Variants in HUWE1 observed in about 807,000 individuals in gnomAD.
HUWE1 encodes HECT, UBA and WWE domain containing E3 ubiquitin protein ligase 1.
HUWE1 carries 18 observed loss-of-function variants against 299.4 expected under a neutral mutation model. The observed-to-expected ratio is 0.06, with a 90% CI of 0.04 to 0.09. The LOEUF (loss-of-function observed/expected upper bound fraction) is 0.09. HUWE1 is among the 10% of genes least tolerant of loss of function. The pLI, the probability that HUWE1 is intolerant of heterozygous loss-of-function variation, is 1.00. For synonymous variants in HUWE1, 1,317 were observed against 1,286.1 expected, an observed-to-expected ratio of 1.02 and a Z score of -0.51; for missense variants, 1,832 against 3,462.3, an observed-to-expected ratio of 0.53 and a Z score of 11.82.
At chrX:53,632,252 T>C (rs1194978767) in intron 9 of HUWE1, among the ~76,000 whole-genome samples, 2 of 111,953 alleles carry the variant, frequency 1.8e-5, no homozygotes, top group Admixed American at 9.5e-5. Context: ...GTCATAGCAG[T>C]GCCTCATAAT....
Position 53,538,904 on chromosome X carries a change from G to A in HUWE1, c.11809C>T (p.Arg3937Trp). The A allele has an allele frequency of 8.3e-7, 1 of 1,206,667 alleles. No homozygotes were observed. Among genetic ancestry groups the A allele is most frequent in the Non-Finnish European group, 1.1e-6 (1 of 892,407 alleles). The change falls in exon 76 of 84, where the codon CGG (arginine) becomes TGG (tryptophan). Residue 3937 changes from arginine to tryptophan, a missense_variant. Physicochemically the swap from Arg to Trp is moderately radical, Grantham distance 101. This residue lies in a region of HUWE1 where 129 missense variants were observed against 439.4 expected (regional missense o/e 0.29). Coordinates refer to ENST00000262854, the MANE Select transcript of HUWE1 (RefSeq NM_031407.7). ...GAGATGTGCATAGATGAGGGCTCCC[G>A]GGAGAAGAATGGGTCAAGGGAGGAA... is the stretch of plus-strand genomic sequence containing the variant. The part of the protein sequence containing the change: ...TPSSLDPFFS[R>W]EPSSMHISSS...
At chrX:53,633,005 C>T (rs1203188382) in intron 8 of HUWE1, among the ~76,000 whole-genome samples, 12 of 112,595 alleles carry the variant, frequency 1.1e-4, no homozygotes, top group Non-Finnish European at 1.7e-4. Flanking sequence ...TATCATCAGC[C>T]TTCTGAAATA....
intron 70 of HUWE1, among the ~76,000 whole-genome samples, chrX:53,545,641 G>C: frequency 8.9e-6 from 1 of 111,874 alleles, no homozygotes; most frequent in Non-Finnish European, 1.9e-5. Flanking sequence ...CATAGGTGTG[G>C]AATAGATGGT....
chrX:53,624,699 G>A, intron 18 of HUWE1, 24 bp from the exon 19 acceptor site: 1 of 1,070,278 alleles, frequency 9.3e-7, no homozygotes, highest in Non-Finnish European at 1.3e-6. Flanking sequence ...GAACATTATG[G>A]AGAATACGAA....
At chrX:53,602,909 G>A (rs1556992611) in intron 27 of HUWE1, among the ~76,000 whole-genome samples, 1 of 104,732 alleles carries the variant, frequency 9.5e-6, no homozygotes, top group Non-Finnish European at 2.0e-5. Flanking sequence ...GGAGTGCAGT[G>A]GCATGATCTT....
At chrX:53,614,319 TCCTA>T (rs1248226628) in intron 23 of HUWE1, among the ~76,000 whole-genome samples, 36 of 111,183 alleles carry the variant, frequency 3.2e-4, no homozygotes, top group Non-Finnish European at 5.3e-4. Flanking sequence ...AAAGATCACT[TCCTA>T]AGGCAACCAA....
chrX:53,624,565 T>C (rs376997878), intron 19 of HUWE1, 30 bp downstream of exon 19: 11 of 999,966 alleles, frequency 1.1e-5, no homozygotes, highest in Non-Finnish European at 1.6e-5. Flanking sequence ...TTATCCCAAA[T>C]TGTTATAACC....
At chrX:53,681,415 A>G (rs1485972940) in intron 2 of HUWE1, among the ~76,000 whole-genome samples, 1 of 105,286 alleles carries the variant, frequency 9.5e-6, no homozygotes, top group African/African-American at 3.5e-5. Context: ...GCCTGGCGAG[A>G]GCAAGACTCC....
At chrX:53,538,524 C>G (rs1556915191) in intron 76 of HUWE1, 70 bp from the exon 77 acceptor site, 7 of 731,852 alleles carry the variant, frequency 9.6e-6, no homozygotes, top group Admixed American at 2.3e-5. Context: ...AGCCAACCAG[C>G]TAGCAACTCT....
Position 53,543,976 on chromosome X carries a change from A to G in HUWE1, c.11252-8T>C, listed in dbSNP as rs781802926. ...AGCCTAAACCGGAGGAACCTGGGAG[A>G]AAGAGAAAGAGGAAGGCAAGATATA... is the stretch of plus-strand genomic sequence containing the variant. On this transcript the variant is annotated splice_polypyrimidine_tract_variant and splice_region_variant and intron_variant, in intron 72 of 83. Coordinates refer to ENST00000262854, the MANE Select transcript of HUWE1 (RefSeq NM_031407.7). 5 of 1,186,732 alleles carry G rather than the reference A, an allele frequency of 4.2e-6. No individual in the cohort carries two copies. The highest frequency in any genetic ancestry group is 3.5e-5 in the African/African-American group (2 of 56,924).
intron 72 of HUWE1, 23 bp from the exon 73 acceptor site, chrX:53,543,991 G>C (rs782757117): frequency 2.6e-6 from 3 of 1,157,222 alleles, no homozygotes; most frequent in Non-Finnish European, 2.3e-6. Flanking sequence ...GAAAGAGGAA[G>C]GCAAGATATA....
intron 81 of HUWE1, 105 bp downstream of exon 81, chrX:53,535,279 T>C: frequency 1.7e-6 from 1 of 580,985 alleles, no homozygotes; most frequent in Non-Finnish European, 3.0e-6. Flanking sequence ...GCAAGGCATT[T>C]GTGGCTCTGT....
At chrX:53,569,913 G>GTA (rs2062742767) in intron 47 of HUWE1, 86 bp from the exon 48 acceptor site, 1 of 803,182 alleles carries the variant, frequency 1.2e-6, no homozygotes, top group East Asian at 3.3e-5. Context: ...CACACACATA[G>GTA]TATTTCCTTA....
chrX:53,678,835 A>T (rs1379666286), intron 3 of HUWE1, among the ~76,000 whole-genome samples: 1 of 112,209 alleles, frequency 8.9e-6, no homozygotes, highest in Non-Finnish European at 1.9e-5. Context: ...CAAAGGCACA[A>T]TCAGGTCATT....
In HUWE1 at chrX:53,647,676, T is replaced by C. The variant is rs368060139; in HGVS notation, c.145-102A>G. On this transcript the variant is annotated intron_variant, in intron 5 of 83. Coordinates refer to ENST00000262854, the MANE Select transcript of HUWE1 (RefSeq NM_031407.7). ...ACAAGAGATTGCTGAGCATGACACC[T>C]AGACAAGTTCACGTCCCACCCTTGC... is the stretch of plus-strand genomic sequence containing the variant. 1.1e-4 allele frequency: 67 copies of C among 634,399 alleles called. No individual in the cohort carries two copies. In the South Asian group the frequency reaches 1.4e-3, roughly 13 times the overall value. The allele number at this position is 634,399 out of a possible 1,213,427, so 52.3% of individuals were successfully genotyped here.
In HUWE1 at chrX:53,532,429, T is replaced by C. The variant is rs1410730110; in HGVS notation, c.*880A>G. The C allele has an allele frequency of 1.8e-5, 2 of 111,083 alleles. No homozygotes were observed. Among genetic ancestry groups the C allele is most frequent in the African/African-American group, 6.6e-5 (2 of 30,520 alleles). 9.2% of individuals were successfully genotyped at this position (111,083 alleles called of 1,213,427 possible). ...AAGGCTCACCAAGTAAAACCCTCGG[T>C]TGGGTCAAGTGAGCTCTCTGAATGT... On this transcript the variant is annotated 3_prime_UTR_variant, in exon 84 of 84. Coordinates refer to ENST00000262854, the MANE Select transcript of HUWE1 (RefSeq NM_031407.7).
chrX:53,586,786 G>A lies in HUWE1; in HGVS notation c.4738C>T (p.Pro1580Ser). ...GGTAGATATAGGGTTACTCACTTTG[G>A]GGTCTGGACTTCCTTCTGCTCCTTG... ...AAKEQKEVQT[P>S]KWITPVLLLI... Residue 1580 changes from proline (P) to serine (S), a missense_variant, in exon 38 of 84, where the codon CCA becomes TCA. Pro to Ser is a moderately conservative substitution (Grantham distance 74, BLOSUM62 -1). Transcript: ENST00000262854. The A allele has an allele frequency of 8.3e-7, 1 of 1,211,269 alleles. No individual in the cohort carries two copies. The highest frequency in any genetic ancestry group is 1.1e-6 in the Non-Finnish European group (1 of 895,261).
intron 25 of HUWE1, among the ~76,000 whole-genome samples, chrX:53,605,929 T>C (rs984106454): frequency 5.4e-5 from 6 of 111,456 alleles, no homozygotes; most frequent in Admixed American, 9.5e-5. Context: ...AGGACAGACT[T>C]TTACCATATA....
chrX:53,565,254 G>A lies in HUWE1; in HGVS notation c.6708-15C>T, dbSNP rs1556944612. On this transcript the variant is annotated splice_polypyrimidine_tract_variant and intron_variant, in intron 49 of 83. Coordinates refer to ENST00000262854, the MANE Select transcript of HUWE1 (RefSeq NM_031407.7). Reference sequence around the variant, plus strand: ...CCATGTTGGGACTGAGATAAGGGAAGATAAAGAGATGGACTGAGCACAGAA... The same window carrying A: ...CCATGTTGGGACTGAGATAAGGGAAAATAAAGAGATGGACTGAGCACAGAA... The A allele has an allele frequency of 2.6e-5, 31 of 1,185,498 alleles. No homozygotes were observed. The highest frequency in any genetic ancestry group is 3.4e-5 in the Non-Finnish European group (30 of 875,033).
Sources: allele counts gnomAD v4.1 joint callset (sites outside exome capture counted in the v4.1 genomes callset), GRCh38; gene constraint gnomAD v4.1.1; regional missense constraint gnomAD v4.1.1; transcripts MANE v1.5; gene names NCBI Gene and HGNC (gene_info 2026-07-23, HGNC 2026-07-21).